Variants in ZC3H14 observed in about 807,000 individuals in gnomAD.
ZC3H14 encodes zinc finger CCCH-type containing 14, also known as zinc finger CCCH domain-containing protein 14.
In ZC3H14, 31 loss-of-function variants were observed where a neutral mutation model predicts 92.4. The ratio of observed to expected loss-of-function variants is 0.34; its 90% CI spans 0.25 to 0.45. ZC3H14 has a LOEUF of 0.45. Among genes scored for constraint, ZC3H14 ranks in the 20% least tolerant of loss-of-function variants. The probability of loss-of-function intolerance (pLI) is 1.00; values close to 1 mark genes in which losing one functional copy is unlikely to be tolerated. For missense variants in ZC3H14, 781 were observed against 897.3 expected, an observed-to-expected ratio of 0.87 and a Z score of 1.66; for synonymous variants, 321 against 300.9, an observed-to-expected ratio of 1.07 and a Z score of -0.69.
intron 9 of ZC3H14, among the ~76,000 whole-genome samples, chr14:88,592,835 A>G (rs892669883): frequency 1.4e-4 from 21 of 152,160 alleles, no homozygotes; most frequent in African/African-American, 4.8e-4. Context: ...AGTGAGCAGC[A>G]TCTACCAACT....
chr14:88,593,749 CA>C (rs945512566), intron 9 of ZC3H14, among the ~76,000 whole-genome samples: 4 of 152,044 alleles, frequency 2.6e-5, no homozygotes, highest in African/African-American at 9.7e-5. Context: ...ACCTAAACTT[CA>C]AAACTCTTAG....
At position 88,618,915 on chromosome 14, in the gene ZC3H14, A is replaced by AAGG; in HGVS notation, c.*7165_*7167dup. The AAGG allele has an allele frequency of 2.5e-6, 3 of 1,191,504 alleles. No individual in the cohort carries two copies. The highest frequency in any genetic ancestry group is 3.4e-6 in the Non-Finnish European group (3 of 870,788). 73.8% of individuals were successfully genotyped at this position (1,191,504 alleles called of 1,614,324 possible). On this transcript the variant is annotated 3_prime_UTR_variant, in exon 17 of 17. Transcript: ENST00000251038. The stretch of plus-strand genomic sequence containing the variant: ...CTAGTTCTTAAAAGTAACGTGTGAT[A>AAGG]AGGCCTCAAATAGATTTACCTGTCA...
chr14:88,571,816 T>C (rs2080439446), intron 4 of ZC3H14, among the ~76,000 whole-genome samples: 3 of 152,028 alleles, frequency 2.0e-5, no homozygotes, highest in East Asian at 1.9e-4. Context: ...ATACAAAAAT[T>C]AGCCAGGCAT....
At position 88,616,972 on chromosome 14, in the gene ZC3H14, C is replaced by A; in HGVS notation, c.*5221C>A. 2 of 1,184,992 alleles carry A rather than the reference C, an allele frequency of 1.7e-6. No individual in the cohort carries two copies. Among genetic ancestry groups the A allele is most frequent in the Non-Finnish European group, 1.2e-6 (1 of 838,774 alleles). 73.4% of individuals were successfully genotyped at this position (1,184,992 alleles called of 1,614,324 possible). On this transcript the variant is annotated 3_prime_UTR_variant, in exon 17 of 17. Transcript: ENST00000251038. ...TTCTTGGCAATTAATCTCTAAGTAC[C>A]CTATCATGTTACTTAAAATACAGGA...
intron 10 of ZC3H14, among the ~76,000 whole-genome samples, chr14:88,599,752 T>C (rs1207990177): frequency 1.3e-5 from 2 of 152,236 alleles, no homozygotes; most frequent in Non-Finnish European, 2.9e-5. Context: ...CTCTTCTGTG[T>C]TCACCCAACC....
chr14:88,570,211 C>CATTA (rs751292670), intron 3 of ZC3H14, among the ~76,000 whole-genome samples: 3 of 152,132 alleles, frequency 2.0e-5, no homozygotes, highest in Non-Finnish European at 4.4e-5. Flanking sequence ...AGTTAGTGTT[C>CATTA]ATTAACACCA....
Position 88,618,758 on chromosome 14 carries a change from A to G in ZC3H14, c.*7007A>G. 6.2e-7 allele frequency: 1 copy of G among 1,603,262 alleles called. No homozygotes were observed. The highest frequency in any genetic ancestry group is 8.5e-7 in the Non-Finnish European group (1 of 1,173,998). On this transcript the variant is annotated 3_prime_UTR_variant, in exon 17 of 17. Transcript: ENST00000251038. ...TGGGGCCCAGCGTTAGGTCATAAAA[A>G]TCCACTGAGTTCTCACTAGAACCTA...
chr14:88,570,949 C>G, intron 3 of ZC3H14, 135 bp from the exon 4 acceptor site: 1 of 631,736 alleles, frequency 1.6e-6, no homozygotes, highest in Non-Finnish European at 2.3e-6. Flanking sequence ...AACCCCATCT[C>G]TATTTAAAAA....
intron 13 of ZC3H14, 144 bp downstream of exon 13, chr14:88,607,507 A>C: frequency 1.1e-6 from 1 of 951,100 alleles, no homozygotes; most frequent in African/African-American, 1.7e-5. Context: ...CCCTCAAGTG[A>C]GTACCATCCC....
At chr14:88,581,545 AGT>A (rs1315387199) in intron 9 of ZC3H14, among the ~76,000 whole-genome samples, 3 of 152,180 alleles carry the variant, frequency 2.0e-5, no homozygotes, top group Non-Finnish European at 4.4e-5. Flanking sequence ...TGGGCAACAG[AGT>A]GAGATTCCGT....
Position 88,626,681 on chromosome 14 carries a change from G to A in ZC3H14, c.*14930G>A. 1.3e-6 allele frequency: 1 copy of A among 754,096 alleles called. No individual in the cohort carries two copies. The highest frequency in any genetic ancestry group is 3.9e-4 in the Middle Eastern group (1 of 2,532). The allele number at this position is 754,096 out of a possible 1,614,324, so 46.7% of individuals were successfully genotyped here. A position where few individuals can be genotyped will look rare whatever the true frequency, so the allele number is the denominator to read the frequency against. On this transcript the variant is annotated 3_prime_UTR_variant, in exon 17 of 17. Coordinates refer to ENST00000251038, the MANE Select transcript of ZC3H14 (RefSeq NM_024824.5). ...TCTTTTCACTCCCTAATTTCTGAAAGAACTAGATTTTTGAAAGATGAAATA... is the reference window on the plus strand; with the variant it reads ...TCTTTTCACTCCCTAATTTCTGAAAAAACTAGATTTTTGAAAGATGAAATA...
At chr14:88,563,250 C>G in intron 1 of ZC3H14, 81 bp downstream of exon 1, 1 of 1,551,828 alleles carries the variant, frequency 6.4e-7, no homozygotes, top group Non-Finnish European at 8.7e-7. Flanking sequence ...ACTGTGGGCC[C>G]GGGTGGACGC....
chr14:88,606,739 C>A (rs1384388844), intron 12 of ZC3H14, among the ~76,000 whole-genome samples: 2 of 136,034 alleles, frequency 1.5e-5, no homozygotes, highest in Non-Finnish European at 3.2e-5. Context: ...CAGAGCAGGA[C>A]CCTGTCGTAA....
chr14:88,620,686 T>C lies in ZC3H14; in HGVS notation c.*8935T>C. On this transcript the variant is annotated 3_prime_UTR_variant, in exon 17 of 17. Coordinates refer to ENST00000251038, the MANE Select transcript of ZC3H14 (RefSeq NM_024824.5). The surrounding 1 kb of genome is among the most constrained non-coding windows in gnomAD (Gnocchi z 4.3). ...GGACCTCTTTTTGAAGGCAAGGCTATGGAAAATTTTACAAATGGAAGTTAA... is the reference window on the plus strand; with the variant it reads ...GGACCTCTTTTTGAAGGCAAGGCTACGGAAAATTTTACAAATGGAAGTTAA... 6 of 1,356,178 alleles carry C rather than the reference T, an allele frequency of 4.4e-6. No homozygotes were observed. Among genetic ancestry groups the C allele is most frequent in the South Asian group, 2.0e-5 (1 of 50,014 alleles). The allele number at this position is 1,356,178 out of a possible 1,614,324, so 84.0% of individuals were successfully genotyped here.
chr14:88,569,093 C>T (rs1368176339), intron 3 of ZC3H14, among the ~76,000 whole-genome samples: 2 of 152,134 alleles, frequency 1.3e-5, no homozygotes, highest in African/African-American at 4.8e-5. Flanking sequence ...TCTTGAACTC[C>T]TGGGCTCAAG....
chr14:88,607,219 C>A (rs371502235), intron 12 of ZC3H14, 24 bp from the exon 13 acceptor site: 1 of 1,613,908 alleles, frequency 6.2e-7, no homozygotes, highest in Non-Finnish European at 8.5e-7. Flanking sequence ...GAATGAAATA[C>A]TTTTATTTCC....
chr14:88,574,366 C>T (rs1803784060), intron 6 of ZC3H14: 1 of 330,118 alleles, frequency 3.0e-6, no homozygotes, highest in South Asian at 2.6e-5. Context: ...CTGCCTCAGC[C>T]TCCCGAGTAG....
intron 9 of ZC3H14, among the ~76,000 whole-genome samples, chr14:88,586,395 T>C (rs1278025948): frequency 1.3e-5 from 2 of 152,260 alleles, no homozygotes; most frequent in African/African-American, 4.8e-5. Flanking sequence ...AAGAGTCTAT[T>C]CACCTGTGAG....
At chr14:88,603,405 AAT>A (rs1289927426) in intron 12 of ZC3H14, among the ~76,000 whole-genome samples, 1 of 152,226 alleles carries the variant, frequency 6.6e-6, no homozygotes, top group African/African-American at 2.4e-5. Context: ...TTTTATCAGC[AAT>A]AGTCTCTTGC....
Sources: gnomAD v4.1 joint callset for allele counts (sites outside exome capture counted in the v4.1 genomes callset) on GRCh38, gnomAD v4.1.1 for gene constraint, Gnocchi (gnomAD v3.1) non-coding constraint, MANE v1.5 for transcripts, NCBI Gene and HGNC (gene_info 2026-07-23, HGNC 2026-07-21) for gene names.